Variants in PRCD observed in about 807,000 individuals in gnomAD.
PRCD encodes the protein photoreceptor disc component, also known as photoreceptor disk component PRCD.
Under a neutral mutation model 10.1 loss-of-function variants are expected in PRCD, and 12 were observed. The ratio of observed to expected loss-of-function variants is 1.18; its 90% CI spans 0.76 to 1.92. The LOEUF (loss-of-function observed/expected upper bound fraction) is 1.92. Ranked by LOEUF, PRCD falls within the 40% of genes most tolerant of loss-of-function variation. The pLI, the probability that PRCD is intolerant of heterozygous loss-of-function variation, is 0.00. For missense variants in PRCD, 61 were observed against 72.2 expected (o/e 0.84, Z 0.56); for synonymous variants, 31 against 26.2 (o/e 1.18, Z -0.56).
upstream of PRCD, chr17:76,537,633 C>T: frequency 1.0e-6 from 1 of 972,878 alleles, no homozygotes; most frequent in Non-Finnish European, 1.2e-6. Context: ...CCGGGGCCGG[C>T]TGCGTGCGCG....
At chr17:76,536,288 T>C (rs1187636211), upstream of PRCD, among the ~76,000 whole-genome samples, 3 of 152,182 alleles carry the variant, frequency 2.0e-5, no homozygotes, top group East Asian at 5.8e-4. Flanking sequence ...GGTCCCAGGC[T>C]TGGGAGAGGC....
rs76768775 is a variant in PRCD at position 76,544,747 on chromosome 17, T to A, written c.*1097T>A. On this transcript the variant is annotated 3_prime_UTR_variant, in exon 5 of 5. Coordinates refer to ENST00000592014, the MANE Select transcript of PRCD (RefSeq NM_001077620.3). ...CTGTGTTCCCCGATCCTATCTGCAT[T>A]TATTCTCTATTTGCCATGTTCCTGT... 1.9e-3 allele frequency: 877 copies of A among 456,736 alleles called. 8 individuals are homozygous for A. Among genetic ancestry groups the A allele is most frequent in the African/African-American group, 0.016 (810 of 50,176 alleles). 28.3% of individuals were successfully genotyped at this position (456,736 alleles called of 1,614,324 possible). A position where few individuals can be genotyped will look rare whatever the true frequency, so the allele number is the denominator to read the frequency against.
chr17:76,547,925 C>T (rs1488683747), downstream of PRCD, among the ~76,000 whole-genome samples: 1 of 150,972 alleles, frequency 6.6e-6, no homozygotes, highest in East Asian at 1.9e-4. Context: ...CACACACATA[C>T]ACATATACAA....
downstream of PRCD, chr17:76,545,527 T>C (rs2075046223): frequency 1.1e-5 from 4 of 370,566 alleles, no homozygotes; most frequent in Non-Finnish European, 2.1e-5. Flanking sequence ...CCTTCTGGTC[T>C]AGGGTGCTGG....
At chr17:76,534,131 T>C (rs1413138568) in intron 1 of PRCD, among the ~76,000 whole-genome samples, 1 of 142,860 alleles carries the variant, frequency 7.0e-6, no homozygotes, top group East Asian at 2.1e-4. Flanking sequence ...TCTTTCTTTC[T>C]CTCTCTCTTT....
At chr17:76,542,506 G>C in intron 2 of PRCD, 47 bp from the exon 3 acceptor site, 1 of 1,612,732 alleles carries the variant, frequency 6.2e-7, no homozygotes, top group South Asian at 1.1e-5. Context: ...AGAAACATGG[G>C]AAGGTCGTGC....
downstream of PRCD, among the ~76,000 whole-genome samples, chr17:76,549,398 A>G (rs560984284): frequency 4.6e-5 from 7 of 152,368 alleles, no homozygotes; most frequent in South Asian, 2.1e-4. Flanking sequence ...GAAAGAAGAA[A>G]GATACTCCAC....
upstream of PRCD, among the ~76,000 whole-genome samples, chr17:76,539,881 G>A (rs1031819510): frequency 6.6e-5 from 10 of 152,182 alleles, no homozygotes; most frequent in Non-Finnish European, 1.2e-4. Context: ...TCATCAGATC[G>A]AGACTCCGAA....
upstream of PRCD, among the ~76,000 whole-genome samples, chr17:76,538,809 G>A (rs1316808447): frequency 6.6e-6 from 1 of 152,254 alleles, no homozygotes; most frequent in Non-Finnish European, 1.5e-5. Flanking sequence ...GACAGGGCCT[G>A]GCAGTGTTGG....
At position 76,533,691 on chromosome 17, in the gene PRCD, C is replaced by T. The variant is rs751587748; in HGVS notation, n.45+5858C>T. ...GGAGCCAAGATTGTGCCATTGCACT[C>T]CAGCCTGGGTGACAGAGTGAGACCC... is the stretch of plus-strand genomic sequence containing the variant. On this transcript the variant is annotated intron_variant and non_coding_transcript_variant, in intron 1 of 4. Transcript: ENST00000397633. This position sits in a 1 kb window ranked among gnomAD's most constrained non-coding sequence, Gnocchi z 4.5. 2.6e-5 allele frequency among the ~76,000 whole-genome samples: 4 copies of T among 151,856 alleles called. No homozygotes were observed. The highest frequency in any genetic ancestry group is 4.4e-5 in the Non-Finnish European group (3 of 67,982).
rs2074792629 is a variant in PRCD, at chr17:76,528,485, C to T, written n.45+652C>T. 2 of 1,141,328 alleles carry T rather than the reference C, an allele frequency of 1.8e-6. No homozygotes were observed. Among genetic ancestry groups the T allele is most frequent in the Non-Finnish European group, 2.3e-6 (2 of 881,708 alleles). 70.7% of individuals were successfully genotyped at this position (1,141,328 alleles called of 1,614,324 possible). On this transcript the variant is annotated intron_variant and non_coding_transcript_variant, in intron 1 of 4. Transcript: ENST00000397633. This position sits in a 1 kb window ranked among gnomAD's most constrained non-coding sequence, Gnocchi z 5.8. Reference sequence around the variant, plus strand: ...GTTGAGTCAGGGATTCCTCCAGCTTCCTTGGCACCCAGAAATGGAGCGTCA... The same window carrying T: ...GTTGAGTCAGGGATTCCTCCAGCTTTCTTGGCACCCAGAAATGGAGCGTCA...
In PRCD at chr17:76,531,264, T is replaced by C; in HGVS notation, n.45+3431T>C. On this transcript the variant is annotated intron_variant and non_coding_transcript_variant, in intron 1 of 4. Coordinates refer to the PRCD transcript ENST00000397633. This position sits in a 1 kb window ranked among gnomAD's most constrained non-coding sequence, Gnocchi z 7.4. ...TCCTAACGCAACAGTCTGGCAGCTT[T>C]GGGAACCCCGTGCTCTCAGGACAAG... The C allele has an allele frequency of 7.9e-7, 1 of 1,267,832 alleles. No homozygotes were observed. Among genetic ancestry groups the C allele is most frequent in the Non-Finnish European group, 1.1e-6 (1 of 917,178 alleles). 78.5% of individuals were successfully genotyped at this position (1,267,832 alleles called of 1,614,324 possible). A position where few individuals can be genotyped will look rare whatever the true frequency, so the allele number is the denominator to read the frequency against.
downstream of PRCD, among the ~76,000 whole-genome samples, chr17:76,547,658 CACACAT>C (rs892152091): frequency 6.6e-6 from 1 of 151,380 alleles, no homozygotes; most frequent in African/African-American, 2.4e-5. Context: ...CACACACACA[CACACAT>C]ATTCACACAC....
Position 76,528,114 on chromosome 17 carries a change from A to C in PRCD, n.45+281A>C. 1 of 409,040 alleles carries C rather than the reference A, an allele frequency of 2.4e-6. No homozygotes were observed. Among genetic ancestry groups the C allele is most frequent in the African/African-American group, 2.0e-5 (1 of 49,850 alleles). The allele number at this position is 409,040 out of a possible 1,614,324, so 25.3% of individuals were successfully genotyped here. Reference sequence around the variant, plus strand: ...CCGCGGATACACATTCTAGATATGTATGTGTGTATATATATATGTATATAT... The same window carrying C: ...CCGCGGATACACATTCTAGATATGTCTGTGTGTATATATATATGTATATAT... On this transcript the variant is annotated intron_variant and non_coding_transcript_variant, in intron 1 of 4. Coordinates refer to the PRCD transcript ENST00000397633. This position sits in a 1 kb window ranked among gnomAD's most constrained non-coding sequence, Gnocchi z 5.8.
intron 2 of PRCD, among the ~76,000 whole-genome samples, chr17:76,541,827 A>G (rs2074996119): frequency 6.6e-6 from 1 of 152,184 alleles, no homozygotes; most frequent in Non-Finnish European, 1.5e-5. Flanking sequence ...TACTAATGGA[A>G]AGACTATGGG....
chr17:76,540,050 C>A lies in PRCD; in HGVS notation c.-92C>A, dbSNP rs1258571667. 7.6e-7 allele frequency: 1 copy of A among 1,318,964 alleles called. No individual in the cohort carries two copies. Among genetic ancestry groups the A allele is most frequent in the Non-Finnish European group, 1.1e-6 (1 of 935,638 alleles). The allele number at this position is 1,318,964 out of a possible 1,614,324, so 81.7% of individuals were successfully genotyped here. A position where few individuals can be genotyped will look rare whatever the true frequency, so the allele number is the denominator to read the frequency against. ...CCAGCAGGAACCGCAGGACAGACGGCAGTGGCTCCTGAGAGCTGGCTGGGG... is the reference window on the plus strand; with the variant it reads ...CCAGCAGGAACCGCAGGACAGACGGAAGTGGCTCCTGAGAGCTGGCTGGGG... On this transcript the variant is annotated 5_prime_UTR_variant, in exon 1 of 5. Transcript: ENST00000592014. This position sits in a 1 kb window ranked among gnomAD's most constrained non-coding sequence, Gnocchi z 5.0.
upstream of PRCD, among the ~76,000 whole-genome samples, chr17:76,538,846 G>C (rs373260750): frequency 3.3e-5 from 5 of 152,370 alleles, no homozygotes; most frequent in South Asian, 2.1e-4. Context: ...GGCTCCCGGC[G>C]ACCCCTGTCC....
Position 76,531,856 on chromosome 17 carries a change from C to T in PRCD, n.45+4023C>T. ...TAGACCTCAGCATAGACCCTCCTCC[C>T]TCTGGCCAAGCCGGCTCACCCCTAC... On this transcript the variant is annotated intron_variant and non_coding_transcript_variant, in intron 1 of 4. Transcript: ENST00000397633. The surrounding 1 kb of genome is among the most constrained non-coding windows in gnomAD (Gnocchi z 7.4). 1 of 608,802 alleles carries T rather than the reference C, an allele frequency of 1.6e-6. No individual in the cohort carries two copies. The allele number at this position is 608,802 out of a possible 1,614,324, so 37.7% of individuals were successfully genotyped here. A position where few individuals can be genotyped will look rare whatever the true frequency, so the allele number is the denominator to read the frequency against.
At chr17:76,537,205 C>T (rs913248884), upstream of PRCD, among the ~76,000 whole-genome samples, 16 of 152,230 alleles carry the variant, frequency 1.1e-4, no homozygotes, top group Non-Finnish European at 1.9e-4. Flanking sequence ...AACACCGCGC[C>T]GGAGCCAGGG....
Sources: allele counts gnomAD v4.1 joint callset (sites outside exome capture counted in the v4.1 genomes callset), GRCh38; gene constraint gnomAD v4.1.1; non-coding constraint Gnocchi (gnomAD v3.1); transcripts MANE v1.5; gene names NCBI Gene and HGNC (gene_info 2026-07-23, HGNC 2026-07-21).